The following RELB variants were observed in gnomAD, a reference collection of about 807,000 sequenced individuals.
RELB encodes transcription factor RelB.
RELB carries 14 observed loss-of-function variants against 55.4 expected under a neutral mutation model. The observed-to-expected ratio is 0.25, with a 90% CI of 0.17 to 0.40. The LOEUF is 0.40. Ranked by LOEUF, RELB falls within the 10% of genes least tolerant of loss-of-function variation. The probability of loss-of-function intolerance (pLI) is 1.00; values close to 1 mark genes in which losing one functional copy is unlikely to be tolerated. For synonymous variants in RELB, 409 were observed against 371.3 expected (o/e 1.10, Z -1.17); for missense variants, 669 against 830.7 (o/e 0.81, Z 2.39).
At chr19:45,018,293 A>G (rs930478295) in intron 4 of RELB, among the ~76,000 whole-genome samples, 9 of 152,056 alleles carry the variant, frequency 5.9e-5, no homozygotes, top group African/African-American at 2.2e-4. Flanking sequence ...AGTCCCAGCT[A>G]CTCGAGAGGC....
intron 5 of RELB, 53 bp downstream of exon 5, chr19:45,022,263 C>T (rs1053660098): frequency 1.1e-5 from 16 of 1,493,158 alleles, no homozygotes; most frequent in East Asian, 2.4e-5. Flanking sequence ...AGATTCTAAG[C>T]GACTGGAGGC....
At chr19:45,033,880 C>T (rs1205720564) in intron 9 of RELB, among the ~76,000 whole-genome samples, 1 of 151,288 alleles carries the variant, frequency 6.6e-6, no homozygotes, top group African/African-American at 2.4e-5. Flanking sequence ...ATAGGCCTGG[C>T]ACAGCAGCTC....
chr19:45,017,116 C>T (rs940382526), intron 4 of RELB, among the ~76,000 whole-genome samples: 2 of 152,090 alleles, frequency 1.3e-5, no homozygotes, highest in African/African-American at 4.8e-5. Flanking sequence ...GGGCAGCACT[C>T]CCCCACTGAG....
chr19:45,032,414 CAAA>C, intron 8 of RELB, 117 bp from the exon 9 acceptor site: 1 of 701,390 alleles, frequency 1.4e-6, no homozygotes. Context: ...GCAAGACTCT[CAAA>C]AAAAAAAAAT....
At chr19:45,001,924 C>A (rs1971216215) in intron 1 of RELB, among the ~76,000 whole-genome samples, 1 of 146,286 alleles carries the variant, frequency 6.8e-6, no homozygotes, top group Non-Finnish European at 1.5e-5. Context: ...GGGGCCTGAC[C>A]CTGAGGCAAA....
Position 45,037,573 on chromosome 19 carries a change from C to T in RELB, c.1523C>T (p.Ala508Val), listed in dbSNP as rs1388285791. The T allele has an allele frequency of 1.2e-6, 2 of 1,612,608 alleles. No individual in the cohort carries two copies. Among genetic ancestry groups the T allele is most frequent in the Non-Finnish European group, 8.5e-7 (1 of 1,179,400 alleles). Residue 508 changes from alanine to valine, a missense_variant, in exon 12 of 12, where the codon GCA becomes GTA. Transcript: ENST00000221452. ...LFTMLDLLPP[A>V]PPHASAVVCS... ...ACCATGCTGGACCTGCTGCCCCCGG[C>T]ACCGCCACACGCTAGCGCTGTTGTG...
chr19:45,011,940 C>A lies in RELB; in HGVS notation c.168C>A (p.Ile56=). The A allele has an allele frequency of 6.6e-7, 1 of 1,512,756 alleles. No homozygotes were observed. The allele number at this position is 1,512,756 out of a possible 1,614,324, so 93.7% of individuals were successfully genotyped here. Residue 56 remains isoleucine, a synonymous_variant, in exon 4 of 12, where the codon ATC becomes ATA. Coordinates refer to ENST00000221452, the MANE Select transcript of RELB (RefSeq NM_006509.4). ...CCGTTTTTTCTTCTCCCGCAGAGAT[C>A]ATCGACGAGTACATCAAGGAGAACG... is the stretch of plus-strand genomic sequence containing the variant. The part of the protein sequence containing the change: ...AVSRSTDELE[I]IDEYIKENGF...
intron 2 of RELB, among the ~76,000 whole-genome samples, chr19:45,005,784 A>G (rs1463771153): frequency 1.3e-5 from 2 of 152,080 alleles, no homozygotes; most frequent in Non-Finnish European, 2.9e-5. Context: ...TTGTATTTTT[A>G]GTAGAGACGG....
chr19:45,024,971 T>G (rs1971539700), intron 5 of RELB, among the ~76,000 whole-genome samples: 1 of 152,134 alleles, frequency 6.6e-6, no homozygotes, highest in African/African-American at 2.4e-5. Flanking sequence ...GTGATTCTTT[T>G]GCCTCAGCCT....
At chr19:45,011,479 C>T (rs578042181) in intron 3 of RELB, among the ~76,000 whole-genome samples, 7 of 150,870 alleles carry the variant, frequency 4.6e-5, no homozygotes, top group East Asian at 2.0e-4. Flanking sequence ...TATTGAGAGA[C>T]GGAGTCTCAC....
At chr19:45,007,452 A>G (rs1159051847) in intron 2 of RELB, among the ~76,000 whole-genome samples, 3 of 152,166 alleles carry the variant, frequency 2.0e-5, no homozygotes, top group Non-Finnish European at 4.4e-5. Context: ...CTCACACCTC[A>G]TTTTGTAGAG....
intron 2 of RELB, 122 bp downstream of exon 2, chr19:45,003,118 C>A: frequency 4.4e-6 from 4 of 913,068 alleles, no homozygotes; most frequent in Non-Finnish European, 5.0e-6. Flanking sequence ...TGACAGGGTG[C>A]ATCCCTCCCT....
chr19:45,034,400 G>T, intron 10 of RELB, 51 bp from the exon 11 acceptor site: 1 of 1,610,658 alleles, frequency 6.2e-7, no homozygotes, highest in Non-Finnish European at 8.5e-7. Flanking sequence ...CCCCAGGCTG[G>T]GGAGGAAGGG....
intron 2 of RELB, among the ~76,000 whole-genome samples, chr19:45,004,325 C>T (rs1340102852): frequency 1.3e-5 from 2 of 151,212 alleles, no homozygotes; most frequent in Non-Finnish European, 2.9e-5. Context: ...CAGGTTCGAG[C>T]AATTCTCCTG....
intron 9 of RELB, 113 bp from the exon 10 acceptor site, chr19:45,034,131 C>G: frequency 1.2e-6 from 1 of 801,310 alleles, no homozygotes; most frequent in Non-Finnish European, 1.9e-6. Flanking sequence ...TGCACTCCAG[C>G]CTGGTCAACA....
intron 4 of RELB, among the ~76,000 whole-genome samples, chr19:45,015,017 C>T (rs1360447651): frequency 1.3e-5 from 2 of 151,426 alleles, no homozygotes; most frequent in East Asian, 1.9e-4. Context: ...ATTCTCCTGT[C>T]TTAGCCTCCC....
Position 45,022,193 on chromosome 19 carries a change from C to A in RELB, c.645C>A (p.His215Gln), listed in dbSNP as rs774779724. Residue 215 changes from histidine (H) to glutamine (Q), a missense_variant, in exon 5 of 12, where the codon CAC (histidine) becomes CAA (glutamine). Coordinates refer to ENST00000221452, the MANE Select transcript of RELB (RefSeq NM_006509.4). ...DGICRVRLRPHVSPRHSFNNL... is the reference protein window; with the variant it reads ...DGICRVRLRPQVSPRHSFNNL... Reference sequence around the variant, plus strand: ...TCTGCAGGGTGCGGCTCCGGCCTCACGTCAGCCCCCGGCACAGGTACCCAC... The same window carrying A: ...TCTGCAGGGTGCGGCTCCGGCCTCAAGTCAGCCCCCGGCACAGGTACCCAC... The A allele has an allele frequency of 3.7e-6, 6 of 1,603,942 alleles. No homozygotes were observed. Among genetic ancestry groups the A allele is most frequent in the Non-Finnish European group, 5.1e-6 (6 of 1,177,272 alleles).
intron 4 of RELB, among the ~76,000 whole-genome samples, chr19:45,013,725 G>A (rs1971389130): frequency 6.6e-6 from 1 of 152,032 alleles, no homozygotes; most frequent in Middle Eastern, 3.4e-3. Context: ...CCAGCTACTC[G>A]GGAGGCTGAG....
At chr19:45,028,348 T>TTTTG (rs1036453025) in intron 7 of RELB, among the ~76,000 whole-genome samples, 2 of 151,484 alleles carry the variant, frequency 1.3e-5, no homozygotes, top group Non-Finnish European at 2.9e-5. Flanking sequence ...TTTGTTATTT[T>TTTTG]TTTGTTTGTT....
Sources: allele counts gnomAD v4.1 joint callset (sites outside exome capture counted in the v4.1 genomes callset), GRCh38; gene constraint gnomAD v4.1.1; transcripts MANE v1.5; gene names NCBI Gene and HGNC (gene_info 2026-07-23, HGNC 2026-07-21).